The following MAB21L3 variants were observed in gnomAD, a reference collection of about 807,000 sequenced individuals.
The protein encoded by MAB21L3 is mab-21 like 3.
In MAB21L3, 36 loss-of-function variants were observed where a neutral mutation model predicts 37.7. The ratio of observed to expected loss-of-function variants is 0.96; its 90% CI spans 0.73 to 1.26. The LOEUF is 1.26. MAB21L3 is among the 50% of genes most tolerant of loss of function. The pLI is 0.00. For missense variants in MAB21L3, 430 were observed against 447.3 expected (o/e 0.96, Z 0.35); for synonymous variants, 186 against 176.8 (o/e 1.05, Z -0.41).
rs779559217 is a variant in MAB21L3, at chr1:116,128,139, T to C, written c.661-6T>C. The C allele has an allele frequency of 6.2e-7, 1 of 1,607,116 alleles. No homozygotes were observed. Among genetic ancestry groups the C allele is most frequent in the Non-Finnish European group, 8.5e-7 (1 of 1,176,472 alleles). On this transcript the variant is annotated splice_region_variant and splice_polypyrimidine_tract_variant and intron_variant, in intron 6 of 7. Transcript: ENST00000369500. ...TTATTTCCCAATATTTTTCTCTTTC[T>C]TCCAGTCGTTTGGATTTAACTTGTT... is the stretch of plus-strand genomic sequence containing the variant.
chr1:116,119,517 A>G (rs535862629), intron 3 of MAB21L3, among the ~76,000 whole-genome samples: 6 of 152,296 alleles, frequency 3.9e-5, no homozygotes, highest in Non-Finnish European at 7.4e-5. Flanking sequence ...GGGTGTCTCA[A>G]AATGACTCTA....
chr1:116,133,418 T>G lies in MAB21L3; in HGVS notation c.*53T>G. 2 of 1,512,852 alleles carry G rather than the reference T, an allele frequency of 1.3e-6. No individual in the cohort carries two copies. The highest frequency in any genetic ancestry group is 2.8e-5 in the African/African-American group (2 of 72,498). The allele number at this position is 1,512,852 out of a possible 1,614,324, so 93.7% of individuals were successfully genotyped here. A position where few individuals can be genotyped will look rare whatever the true frequency, so the allele number is the denominator to read the frequency against. ...GACATTTTATTCTGGCTTAACATTG[T>G]TCTTTGGATGGTTCCTCAGTCAGGT... On this transcript the variant is annotated 3_prime_UTR_variant, in exon 8 of 8. Coordinates refer to ENST00000369500, the MANE Select transcript of MAB21L3 (RefSeq NM_152367.3).
At chr1:116,123,729 C>T (rs993118033) in intron 4 of MAB21L3, 4 of 197,024 alleles carry the variant, frequency 2.0e-5, no homozygotes, top group East Asian at 1.4e-4. Context: ...TACGGTGTTG[C>T]GTCTGCATGG....
intron 3 of MAB21L3, among the ~76,000 whole-genome samples, chr1:116,119,303 A>G (rs1328307832): frequency 6.6e-6 from 1 of 152,196 alleles, no homozygotes; most frequent in Non-Finnish European, 1.5e-5. Context: ...TTACTGATGA[A>G]CTGACCCTAT....
chr1:116,129,345 C>T (rs1304101616), intron 7 of MAB21L3, among the ~76,000 whole-genome samples: 1 of 152,210 alleles, frequency 6.6e-6, no homozygotes, highest in African/African-American at 2.4e-5. Flanking sequence ...CTCTGTGCAG[C>T]CTGCTGGAGT....
At position 116,128,132 on chromosome 1, in the gene MAB21L3, C is replaced by A. The variant is rs369694429; in HGVS notation, c.661-13C>A. Reference sequence around the variant, plus strand: ...GTTCTTCTTATTTCCCAATATTTTTCTCTTTCTTCCAGTCGTTTGGATTTA... The same window carrying A: ...GTTCTTCTTATTTCCCAATATTTTTATCTTTCTTCCAGTCGTTTGGATTTA... On this transcript the variant is annotated splice_polypyrimidine_tract_variant and intron_variant, in intron 6 of 7. Transcript: ENST00000369500. 186 of 1,602,244 alleles carry A rather than the reference C, an allele frequency of 1.2e-4. No homozygotes were observed. Among genetic ancestry groups the A allele is most frequent in the Middle Eastern group, 8.3e-4 (5 of 6,004 alleles).
intron 3 of MAB21L3, among the ~76,000 whole-genome samples, chr1:116,118,784 C>T (rs901029430): frequency 2.0e-5 from 3 of 152,108 alleles, no homozygotes; most frequent in South Asian, 2.1e-4. Context: ...AACTTTCATG[C>T]CCCCTTTTTC....
chr1:116,114,723 A>C (rs1450900804), intron 3 of MAB21L3, among the ~76,000 whole-genome samples: 1 of 152,164 alleles, frequency 6.6e-6, no homozygotes, highest in East Asian at 1.9e-4. Flanking sequence ...ACCCCAAAGG[A>C]AGAAGGAGGG....
intron 5 of MAB21L3, among the ~76,000 whole-genome samples, chr1:116,126,234 C>A (rs1238816058): frequency 6.6e-6 from 1 of 152,152 alleles, no homozygotes; most frequent in East Asian, 1.9e-4. Flanking sequence ...TTCAAGACTG[C>A]TTATCTTTAT....
intron 7 of MAB21L3, among the ~76,000 whole-genome samples, chr1:116,129,260 C>T (rs1189010684): frequency 2.0e-5 from 3 of 152,176 alleles, no homozygotes; most frequent in African/African-American, 7.2e-5. Flanking sequence ...GGAGAGGGGG[C>T]CTTTGACCAC....
intron 3 of MAB21L3, among the ~76,000 whole-genome samples, chr1:116,120,079 G>C (rs191167948): frequency 6.6e-6 from 1 of 152,154 alleles, no homozygotes; most frequent in East Asian, 1.9e-4. Context: ...ACAATACCAT[G>C]GTAGAGTCTC....
At chr1:116,117,162 CATAT>C (rs35799148) in intron 3 of MAB21L3, among the ~76,000 whole-genome samples, 10,567 of 114,540 alleles carry the variant, frequency 0.092, 491 homozygotes, top group South Asian at 0.11. Context: ...AATATACATA[CATAT>C]ATATATATAT....
intron 6 of MAB21L3, 55 bp downstream of exon 6, chr1:116,127,699 G>T: frequency 6.5e-7 from 1 of 1,530,410 alleles, no homozygotes; most frequent in Non-Finnish European, 8.8e-7. Flanking sequence ...AGCTTAACCA[G>T]TCACAGCATT....
Position 116,112,942 on chromosome 1 carries a change from G to A in MAB21L3, c.48+279G>A, listed in dbSNP as rs115564726. 7.3e-3 allele frequency among the ~76,000 whole-genome samples: 1,117 copies of A among 152,240 alleles called. 11 individuals carry two copies. Among genetic ancestry groups the A allele is most frequent in the African/African-American group, 0.025 (1,045 of 41,546 alleles). On this transcript the variant is annotated intron_variant, in intron 3 of 7. Transcript: ENST00000369500. ...AACTCCAGCTCTGCCACTGACACTC[G>A]TGTGGTTGTGAGTCACTTAACCTGC...
intron 7 of MAB21L3, among the ~76,000 whole-genome samples, chr1:116,130,597 G>A (rs1230188599): frequency 1.3e-5 from 2 of 152,208 alleles, no homozygotes; most frequent in East Asian, 3.9e-4. Context: ...GAGGAAAGTG[G>A]AAGAGGTTGG....
intron 5 of MAB21L3, 113 bp downstream of exon 5, chr1:116,124,470 C>A: frequency 2.1e-6 from 2 of 946,624 alleles, no homozygotes; most frequent in Non-Finnish European, 3.1e-6. Flanking sequence ...AGAAAATAAT[C>A]ATGTGCTCTT....
Position 116,137,866 on chromosome 1 carries a change from C to A in MAB21L3, c.*4501C>A, listed in dbSNP as rs1168776343. Among the ~76,000 whole-genome samples, 1 of 149,990 alleles carries A rather than the reference C, an allele frequency of 6.7e-6. No individual in the cohort carries two copies. Among genetic ancestry groups the A allele is most frequent in the African/African-American group, 2.5e-5 (1 of 40,474 alleles). Reference sequence around the variant, plus strand: ...GAAATCATCATTCTCAGTAAACTATCGCAAGAACAAAAAACCAAACACTGC... The same window carrying A: ...GAAATCATCATTCTCAGTAAACTATAGCAAGAACAAAAAACCAAACACTGC... On this transcript the variant is annotated 3_prime_UTR_variant, in exon 8 of 8. Coordinates refer to ENST00000369500, the MANE Select transcript of MAB21L3 (RefSeq NM_152367.3).
rs1334224102 is a variant in MAB21L3, at chr1:116,136,448, CA to C, written c.*3086del. Among the ~76,000 whole-genome samples the C allele has an allele frequency of 6.6e-6, 1 of 151,798 alleles. No individual in the cohort carries two copies. The highest frequency in any genetic ancestry group is 1.5e-5 in the Non-Finnish European group (1 of 67,776). On this transcript the variant is annotated 3_prime_UTR_variant, in exon 8 of 8. Coordinates refer to ENST00000369500, the MANE Select transcript of MAB21L3 (RefSeq NM_152367.3). ...TGAAGGACCTCTTCAAGGAGAACTA[CA>C]AACCACTGCTCAATGAAATAAAAGA...
intron 3 of MAB21L3, among the ~76,000 whole-genome samples, chr1:116,116,047 G>T (rs935485229): frequency 1.3e-5 from 2 of 152,162 alleles, no homozygotes; most frequent in African/African-American, 4.8e-5. Context: ...CTTGCAATGG[G>T]TGTCTACTTG....
Sources: allele counts gnomAD v4.1 joint callset (sites outside exome capture counted in the v4.1 genomes callset), GRCh38; gene constraint gnomAD v4.1.1; transcripts MANE v1.5; gene names NCBI Gene and HGNC (gene_info 2026-07-23, HGNC 2026-07-21).